GAPDHS: variants seen among roughly 807,000 people sequenced by gnomAD.
GAPDHS encodes glyceraldehyde-3-phosphate dehydrogenase, spermatogenic.
Under a neutral mutation model 48.7 loss-of-function variants are expected in GAPDHS, and 42 were observed. That is an observed-to-expected ratio of 0.86 (90% CI 0.67 to 1.12). The LOEUF is 1.12. GAPDHS is among the 50% of genes most tolerant of loss of function. The probability of loss-of-function intolerance (pLI) is 0.00; values close to 1 mark genes in which losing one functional copy is unlikely to be tolerated. For missense variants in GAPDHS, 512 were observed against 557.7 expected (o/e 0.92, Z 0.82); for synonymous variants, 166 against 219.1 (o/e 0.76, Z 2.14).
intron 2 of GAPDHS, 124 bp from the exon 3 acceptor site, chr19:35,538,183 C>T: frequency 6.1e-6 from 4 of 655,432 alleles, no homozygotes; most frequent in Non-Finnish European, 1.1e-5. Flanking sequence ...AAGAGATGCC[C>T]ATGGCCAGCA....
chr19:35,538,791 C>A, intron 4 of GAPDHS, 108 bp downstream of exon 4: 1 of 727,530 alleles, frequency 1.4e-6, no homozygotes, highest in African/African-American at 1.7e-5. Flanking sequence ...GAAACCACCC[C>A]CAAAATTGCG....
At chr19:35,536,444 C>T (rs569226290) in intron 1 of GAPDHS, among the ~76,000 whole-genome samples, 3 of 151,916 alleles carry the variant, frequency 2.0e-5, no homozygotes, top group East Asian at 1.9e-4. Flanking sequence ...GGCACCTTGG[C>T]GGGTGCTTAT....
chr19:35,534,523 C>T (rs1433756777), intron 1 of GAPDHS, among the ~76,000 whole-genome samples: 1 of 152,108 alleles, frequency 6.6e-6, no homozygotes, highest in African/African-American at 2.4e-5. Context: ...CCAGCTAGCC[C>T]CCAGGCTTTT....
chr19:35,544,896 T>G lies in GAPDHS; in HGVS notation c.1057-13T>G. On this transcript the variant is annotated splice_polypyrimidine_tract_variant and intron_variant, in intron 9 of 10. Transcript: ENST00000222286. Reference sequence around the variant, plus strand: ...CTGCCGGACACACTTATCTTTGAAATTCTGACTTCCAGGTCGTCTCTACGG... The same window carrying G: ...CTGCCGGACACACTTATCTTTGAAAGTCTGACTTCCAGGTCGTCTCTACGG... 1 of 1,573,186 alleles carries G rather than the reference T, an allele frequency of 6.4e-7. No homozygotes were observed. The highest frequency in any genetic ancestry group is 8.8e-7 in the Non-Finnish European group (1 of 1,142,542).
chr19:35,538,482 T>A, intron 3 of GAPDHS, 79 bp downstream of exon 3: 1 of 1,274,630 alleles, frequency 7.8e-7, no homozygotes, highest in Non-Finnish European at 1.1e-6. Context: ...TATGGAAGGC[T>A]CTCAGCTGTA....
In GAPDHS at chr19:35,542,939, T is replaced by C. The variant is rs771448881; in HGVS notation, c.660-6T>C. 6.8e-6 allele frequency: 11 copies of C among 1,612,712 alleles called. No individual in the cohort carries two copies. In the South Asian group the frequency reaches 8.8e-5, roughly 13 times the overall value. On this transcript the variant is annotated splice_polypyrimidine_tract_variant and splice_region_variant and intron_variant, in intron 6 of 10. Transcript: ENST00000222286. ...ACAGTGTCCGTGCACACCTTGGCTG[T>C]TTCAGCAACGCGTCCTGCACCACCA...
rs771529008 is a variant in GAPDHS at position 35,533,540 on chromosome 19, G to A, written c.13G>A (p.Asp5Asn). ...CTTATAAGAGGCCATGTCGAAGCGC[G>A]ACATCGTCCTCACCAATGTCACCGT... MSKR[D>N]IVLTNVTVVQ... The change falls in exon 1 of 11, where the codon GAC (aspartate) becomes AAC (asparagine). Residue 5 changes from aspartate to asparagine, a missense_variant. Asp to Asn is a conservative substitution (Grantham distance 23). Coordinates refer to ENST00000222286, the MANE Select transcript of GAPDHS (RefSeq NM_014364.5). The A allele has an allele frequency of 3.7e-6, 6 of 1,613,686 alleles. No individual in the cohort carries two copies. The South Asian group carries it at 5.5e-5, about 15-fold the overall frequency.
At position 35,538,345 on chromosome 19, in the gene GAPDHS, T is replaced by A. The variant is rs1353547180; in HGVS notation, c.284T>A (p.Met95Lys). ...GGTCGCCTGGTCCTGCGCGCCTGCA[T>A]GGAGAAGGGTGTTAAGGTGGTGGCT... The part of the protein sequence containing the change: ...RIGRLVLRAC[M>K]EKGVKVVAVN... The change falls in exon 3 of 11, where the codon ATG (methionine) becomes AAG (lysine). Residue 95 changes from methionine (M) to lysine (K), a missense_variant. Met to Lys is a moderately conservative substitution (Grantham distance 95, BLOSUM62 -1). Transcript: ENST00000222286. 3.7e-6 allele frequency: 6 copies of A among 1,613,106 alleles called. 1 individual carries two copies. The East Asian group carries it at 1.1e-4, about 30-fold the overall frequency.
chr19:35,537,251 A>G (rs2071472157), intron 2 of GAPDHS, among the ~76,000 whole-genome samples: 1 of 152,188 alleles, frequency 6.6e-6, no homozygotes, highest in Admixed American at 6.5e-5. Context: ...GTCAGGCTGG[A>G]GAGGGCAGCC....
chr19:35,538,488 C>A, intron 3 of GAPDHS, 85 bp downstream of exon 3: 1 of 1,266,836 alleles, frequency 7.9e-7, no homozygotes, highest in Non-Finnish European at 1.1e-6. Context: ...AGGCTCTCAG[C>A]TGTAATGTGA....
At chr19:35,539,089 G>A (rs1025634400) in intron 4 of GAPDHS, among the ~76,000 whole-genome samples, 2 of 152,032 alleles carry the variant, frequency 1.3e-5, no homozygotes, top group Non-Finnish European at 2.9e-5. Context: ...TAGAGATGAG[G>A]TCTTGCCATC....
intron 4 of GAPDHS, among the ~76,000 whole-genome samples, chr19:35,539,590 C>G (rs2071488074): frequency 6.6e-6 from 1 of 152,026 alleles, no homozygotes; most frequent in Non-Finnish European, 1.5e-5. Flanking sequence ...CACAGGCACA[C>G]TAGTGAACCC....
intron 4 of GAPDHS, chr19:35,541,145 A>AAAAAC (rs969799974): frequency 2.0e-5 from 3 of 152,038 alleles, no homozygotes; most frequent in Admixed American, 6.6e-5. Flanking sequence ...ACTCTGTCTC[A>AAAAAC]AAAACAAAAC....
At chr19:35,542,763 G>A (rs2071513604) in intron 6 of GAPDHS, 155 bp downstream of exon 6, 5 of 730,624 alleles carry the variant, frequency 6.8e-6, no homozygotes, top group Admixed American at 4.4e-5. Flanking sequence ...ACAAGCTTGG[G>A]GAGCCTCCCC....
rs947458407 is a variant in GAPDHS, at chr19:35,542,323, G to A, written c.454G>A (p.Glu152Lys). The change falls in exon 5 of 11, where the codon GAG becomes AAG. Residue 152 changes from glutamate to lysine, a missense_variant. Transcript: ENST00000222286. ...AGCCCTGCCACTTCCCCACAGCAAA[G>A]AGCCCAAACAGATCCCCTGGAGGGC... ...NHEISVYQCK[E>K]PKQIPWRAVG... 1 of 1,609,642 alleles carries A rather than the reference G, an allele frequency of 6.2e-7. No individual in the cohort carries two copies. The highest frequency in any genetic ancestry group is 1.1e-5 in the South Asian group (1 of 90,952).
rs114522782 is a variant in GAPDHS at position 35,539,398 on chromosome 19, A to C, written c.449+715A>C. On this transcript the variant is annotated intron_variant, in intron 4 of 10. Coordinates refer to ENST00000222286, the MANE Select transcript of GAPDHS (RefSeq NM_014364.5). ...CCATCATGGCCTGAACCAGTGTTTC[A>C]GTTTTACTTTAGAATGCCCTGGGCC... Among the ~76,000 whole-genome samples, 440 of 152,274 alleles carry C rather than the reference A, an allele frequency of 2.9e-3. 2 individuals carry two copies. The highest frequency in any genetic ancestry group is 9.8e-3 in the African/African-American group (407 of 41,556).
At chr19:35,534,190 C>T (rs113145386) in intron 1 of GAPDHS, among the ~76,000 whole-genome samples, 60 of 151,932 alleles carry the variant, frequency 3.9e-4, no homozygotes, top group East Asian at 1.6e-3. Context: ...CGCCCGCGCG[C>T]GCGCACACAC....
At position 35,542,786 on chromosome 19, in the gene GAPDHS, G is replaced by A. The variant is rs1014307675; in HGVS notation, c.660-159G>A. On this transcript the variant is annotated intron_variant, in intron 6 of 10. Transcript: ENST00000222286. ...GGGGAGCCTCCCCAGCTGCACCTCA[G>A]TGCCTCCTTCAGTCTGACAGTGTCC... The A allele has an allele frequency of 4.1e-6, 3 of 724,930 alleles. No homozygotes were observed. The African/African-American group carries it at 5.2e-5, about 13-fold the overall frequency. 44.9% of individuals were successfully genotyped at this position (724,930 alleles called of 1,614,324 possible).
rs950620495 is a variant in GAPDHS at position 35,535,391 on chromosome 19, A to AT, written c.68-1413dup. On this transcript the variant is annotated intron_variant, in intron 1 of 10. Transcript: ENST00000222286. The stretch of plus-strand genomic sequence containing the variant: ...GCCTGGAGTGCTTATTTTATTTTTT[A>AT]TTTTTTTTTGGGAGATGGAGTTTCG... Among the ~76,000 whole-genome samples the AT allele has an allele frequency of 2.0e-3, 294 of 150,430 alleles. 2 individuals are homozygous for AT. The highest frequency in any genetic ancestry group is 5.9e-3 in the African/African-American group (243 of 41,000).
Sources: gnomAD v4.1 joint callset for allele counts (sites outside exome capture counted in the v4.1 genomes callset) on GRCh38, gnomAD v4.1.1 for gene constraint, MANE v1.5 for transcripts, NCBI Gene and HGNC (gene_info 2026-07-23, HGNC 2026-07-21) for gene names.